The following PHF2 variants were observed in gnomAD, a reference collection of about 807,000 sequenced individuals.
PHF2 encodes the protein PHD finger protein 2.
PHF2 carries 27 observed loss-of-function variants against 120.5 expected under a neutral mutation model. That is an observed-to-expected ratio of 0.22 (90% confidence interval 0.17 to 0.31). The LOEUF is 0.31. Among genes scored for constraint, PHF2 ranks in the 10% least tolerant of loss-of-function variants. The probability of loss-of-function intolerance (pLI) is 1.00; values close to 1 mark genes in which losing one functional copy is unlikely to be tolerated. For missense variants in PHF2, 1,024 were observed against 1,434.8 expected (o/e 0.71, Z 4.63); for synonymous variants, 568 against 592.5 (o/e 0.96, Z 0.60).
intron 19 of PHF2, 62 bp downstream of exon 19, chr9:93,675,084 C>A: frequency 7.6e-7 from 1 of 1,323,314 alleles, no homozygotes; most frequent in Non-Finnish European, 1.1e-6. Flanking sequence ...GTGACTTTGT[C>A]TGTGGTCCCT....
chr9:93,599,211 C>T (rs1474240830), intron 1 of PHF2, among the ~76,000 whole-genome samples: 1 of 152,220 alleles, frequency 6.6e-6, no homozygotes, highest in African/African-American at 2.4e-5. Flanking sequence ...CGAAGAAGGC[C>T]TGCTGGACCT....
intron 1 of PHF2, among the ~76,000 whole-genome samples, chr9:93,594,367 C>A (rs1018879230): frequency 4.6e-5 from 7 of 152,232 alleles, no homozygotes; most frequent in Non-Finnish European, 1.0e-4. Flanking sequence ...GCTTTGGGAA[C>A]ATTCCAGGTC....
chr9:93,607,517 A>G (rs1238770752), intron 1 of PHF2, among the ~76,000 whole-genome samples: 1 of 147,202 alleles, frequency 6.8e-6, no homozygotes, highest in Non-Finnish European at 1.5e-5. Context: ...TCCTGGACTC[A>G]AGTGATCTGC....
chr9:93,655,100 A>G (rs978175965), intron 7 of PHF2, among the ~76,000 whole-genome samples: 9 of 152,350 alleles, frequency 5.9e-5, no homozygotes, highest in African/African-American at 2.2e-4. Context: ...AACAAATCCC[A>G]GACATTCCTC....
chr9:93,627,539 C>T (rs562062674), intron 1 of PHF2, among the ~76,000 whole-genome samples: 11 of 120,272 alleles, frequency 9.1e-5, no homozygotes, highest in African/African-American at 3.3e-4. Context: ...ACTTCCAGTA[C>T]TGTGTTAAAC....
At chr9:93,663,467 C>A (rs1371428409) in intron 13 of PHF2, 50 bp from the exon 14 acceptor site, 1 of 1,128,686 alleles carries the variant, frequency 8.9e-7, no homozygotes, top group Non-Finnish European at 1.3e-6. Context: ...GGGGTCCTGA[C>A]CCCCCACTTC....
At position 93,621,301 on chromosome 9, in the gene PHF2, G is replaced by T. The variant is rs531179238; in HGVS notation, c.99-8669G>T. On this transcript the variant is annotated intron_variant, in intron 1 of 21. Transcript: ENST00000359246. ...TGGTGAGGGGGTGCTGAGGCCTTTG[G>T]TTCTCTGAGCTTCTTTTGGGCGGCA... 4.6e-3 allele frequency among the ~76,000 whole-genome samples: 695 copies of T among 152,312 alleles called. 5 individuals are homozygous for T. Among genetic ancestry groups the T allele is most frequent in the Non-Finnish European group, 7.4e-3 (504 of 68,014 alleles).
intron 1 of PHF2, among the ~76,000 whole-genome samples, chr9:93,582,054 C>T (rs545656817): frequency 1.3e-5 from 2 of 152,144 alleles, no homozygotes; most frequent in Non-Finnish European, 2.9e-5. Context: ...AGGGGTTTTT[C>T]ATTCATCATG....
chr9:93,609,579 T>C (rs2131625550), intron 1 of PHF2, among the ~76,000 whole-genome samples: 2 of 152,256 alleles, frequency 1.3e-5, no homozygotes, highest in South Asian at 4.1e-4. Context: ...TTCAACACTT[T>C]GAATGTTTTA....
chr9:93,677,569 C>T lies in PHF2; in HGVS notation c.3203-19C>T. ...CTAGCTTACCTTCCCTTTTTGTGTC[C>T]CCTCCCCGACTCCCCTAGGAAAACG... On this transcript the variant is annotated intron_variant, in intron 21 of 21. Transcript: ENST00000359246. This position sits in a 1 kb window ranked among gnomAD's most constrained non-coding sequence, Gnocchi z 4.4. 6.2e-7 allele frequency: 1 copy of T among 1,604,982 alleles called. No homozygotes were observed. The highest frequency in any genetic ancestry group is 8.5e-7 in the Non-Finnish European group (1 of 1,173,920).
At chr9:93,665,937 T>C (rs1222108704) in intron 15 of PHF2, 53 bp from the exon 16 acceptor site, 10 of 1,611,536 alleles carry the variant, frequency 6.2e-6, no homozygotes, top group Non-Finnish European at 8.5e-6. Context: ...CTTCCCAGGG[T>C]GGCTGGCTCC....
intron 2 of PHF2, 48 bp downstream of exon 2, chr9:93,630,103 T>C (rs1425124832): frequency 1.9e-6 from 3 of 1,572,682 alleles, no homozygotes; most frequent in Non-Finnish European, 2.6e-6. Context: ...GAGAGCAGCA[T>C]CCACCCTGCC....
intron 1 of PHF2, among the ~76,000 whole-genome samples, chr9:93,589,073 G>A (rs903744284): frequency 3.3e-5 from 5 of 152,142 alleles, no homozygotes; most frequent in African/African-American, 4.8e-5. Context: ...AGGTGAAGCC[G>A]CTTTCCCAGG....
intron 1 of PHF2, among the ~76,000 whole-genome samples, chr9:93,622,036 T>A (rs2131640665): frequency 6.6e-6 from 1 of 152,260 alleles, no homozygotes; most frequent in African/African-American, 2.4e-5. Context: ...ACCAAGGTGG[T>A]CCAAGCTGTG....
Position 93,645,651 on chromosome 9 carries a change from G to C in PHF2, c.322G>C (p.Val108Leu). The change falls in exon 4 of 22, where the codon GTG (valine) becomes CTG (leucine). Residue 108 changes from valine to leucine, a missense_variant. By Grantham distance (32) the Val-to-Leu change is conservative. Transcript: ENST00000359246. ...CAGTGCTGAAGACGTGGTGGCCCGT[G>C]TGCCAGGAAGTCAGCTCACGCTGGG... is the stretch of plus-strand genomic sequence containing the variant. Reference protein sequence around the residue: ...FPSAEDVVARVPGSQLTLGYM... With the variant: ...FPSAEDVVARLPGSQLTLGYM... 1 of 1,605,912 alleles carries C rather than the reference G, an allele frequency of 6.2e-7. No homozygotes were observed.
At chr9:93,666,377 G>A (rs1264342245) in intron 16 of PHF2, among the ~76,000 whole-genome samples, 2 of 152,198 alleles carry the variant, frequency 1.3e-5, no homozygotes, top group South Asian at 2.1e-4. Flanking sequence ...CCCTGCCCCC[G>A]CCTCTCCTTC....
intron 16 of PHF2, among the ~76,000 whole-genome samples, chr9:93,666,485 T>C (rs1481152735): frequency 1.3e-5 from 2 of 152,326 alleles, no homozygotes; most frequent in East Asian, 3.9e-4. Flanking sequence ...TGGTGCACAG[T>C]GTGAAGACAG....
chr9:93,617,087 A>G (rs926595881), intron 1 of PHF2, among the ~76,000 whole-genome samples: 1 of 152,180 alleles, frequency 6.6e-6, no homozygotes, highest in Non-Finnish European at 1.5e-5. Flanking sequence ...CAGGCTTGGC[A>G]TGGTCTGGAG....
chr9:93,589,299 G>A (rs1420997661), intron 1 of PHF2, among the ~76,000 whole-genome samples: 1 of 152,200 alleles, frequency 6.6e-6, no homozygotes, highest in Non-Finnish European at 1.5e-5. Flanking sequence ...CAGACACTGT[G>A]TAGGGAAACT....
Sources: gnomAD v4.1 joint callset for allele counts (sites outside exome capture counted in the v4.1 genomes callset) on GRCh38, gnomAD v4.1.1 for gene constraint, Gnocchi (gnomAD v3.1) non-coding constraint, MANE v1.5 for transcripts, NCBI Gene and HGNC (gene_info 2026-07-23, HGNC 2026-07-21) for gene names.